The following FERMT2 variants were observed in gnomAD, a reference collection of about 807,000 sequenced individuals.
The protein encoded by FERMT2 is FERM domain containing kindlin 2, also known as fermitin family homolog 2.
In FERMT2, 15 loss-of-function variants were observed where a neutral mutation model predicts 82.7. That is an observed-to-expected ratio of 0.18 (90% CI 0.12 to 0.28). The LOEUF (loss-of-function observed/expected upper bound fraction) is 0.28. FERMT2 is among the 10% of genes least tolerant of loss of function. The pLI is 1.00. For missense variants in FERMT2, 645 were observed against 809.4 expected, an observed-to-expected ratio of 0.80 and a Z score of 2.46; for synonymous variants, 274 against 271.5, an observed-to-expected ratio of 1.01 and a Z score of -0.09.
intron 3 of FERMT2, among the ~76,000 whole-genome samples, chr14:52,894,474 T>A (rs889166405): frequency 7.2e-5 from 11 of 152,128 alleles, no homozygotes; most frequent in Admixed American, 3.9e-4. Context: ...AAGACATTCT[T>A]AAAAAGAACA....
At chr14:52,908,845 T>A (rs1438161226) in intron 3 of FERMT2, among the ~76,000 whole-genome samples, 2 of 152,074 alleles carry the variant, frequency 1.3e-5, no homozygotes, top group Non-Finnish European at 2.9e-5. Flanking sequence ...TCAATAAAAA[T>A]TTCATTTTTT....
At chr14:52,950,798 C>A (rs1201499468) in intron 1 of FERMT2, 123 bp downstream of exon 1, 1 of 419,200 alleles carries the variant, frequency 2.4e-6, no homozygotes, top group Non-Finnish European at 4.2e-6. Flanking sequence ...CCCACACCGT[C>A]CCCGCCTAGC....
At chr14:52,906,700 GA>G (rs1164913433) in intron 3 of FERMT2, among the ~76,000 whole-genome samples, 2 of 151,832 alleles carry the variant, frequency 1.3e-5, no homozygotes. Flanking sequence ...TTCTAGTGAT[GA>G]AAAAAACATC....
At chr14:52,870,814 G>C (rs188312561) in intron 10 of FERMT2, among the ~76,000 whole-genome samples, 192 of 152,270 alleles carry the variant, frequency 1.3e-3, no homozygotes, top group African/African-American at 4.2e-3. Context: ...ATACATGACT[G>C]TACTAAGTAC....
At chr14:52,893,204 C>A in intron 4 of FERMT2, 89 bp downstream of exon 4, 1 of 1,243,282 alleles carries the variant, frequency 8.0e-7, no homozygotes, top group Non-Finnish European at 1.1e-6. Context: ...TCTTCCTGAC[C>A]TACATGATCC....
chr14:52,932,332 C>G (rs1184710979), intron 2 of FERMT2, among the ~76,000 whole-genome samples: 2 of 152,116 alleles, frequency 1.3e-5, no homozygotes, highest in Admixed American at 1.3e-4. Context: ...CAGTAAAATC[C>G]TGATGATTAT....
intron 3 of FERMT2, among the ~76,000 whole-genome samples, chr14:52,900,287 C>T (rs774422322): frequency 2.0e-5 from 3 of 151,650 alleles, no homozygotes; most frequent in African/African-American, 7.3e-5. Flanking sequence ...GTGATAGCAA[C>T]GAAATTTAAT....
intron 2 of FERMT2, among the ~76,000 whole-genome samples, chr14:52,922,538 A>G (rs989338525): frequency 6.6e-5 from 10 of 152,330 alleles, no homozygotes; most frequent in Admixed American, 2.6e-4. Context: ...AGACATAATA[A>G]AAGACAGGCT....
chr14:52,898,825 C>T (rs140936703), intron 3 of FERMT2, among the ~76,000 whole-genome samples: 111 of 152,198 alleles, frequency 7.3e-4, no homozygotes, highest in African/African-American at 2.4e-3. Context: ...ATAACAAATC[C>T]TTACATAACA....
chr14:52,914,882 T>C (rs560173766), intron 3 of FERMT2, among the ~76,000 whole-genome samples: 1 of 152,190 alleles, frequency 6.6e-6, no homozygotes, highest in South Asian at 2.1e-4. Flanking sequence ...ATACCACCAC[T>C]GAACTCCAGA....
chr14:52,880,268 G>GT (rs1184677896), intron 6 of FERMT2, among the ~76,000 whole-genome samples: 1 of 152,012 alleles, frequency 6.6e-6, no homozygotes, highest in South Asian at 2.1e-4. Context: ...AGAAAAAAAC[G>GT]TTTTTTTGAA....
At chr14:52,893,513 T>C in intron 3 of FERMT2, 86 bp from the exon 4 acceptor site, 1 of 1,042,836 alleles carries the variant, frequency 9.6e-7, no homozygotes, top group South Asian at 1.6e-5. Context: ...AAGATAAGAA[T>C]GTGTAACTTC....
chr14:52,941,530 C>T (rs1595024465), intron 2 of FERMT2, among the ~76,000 whole-genome samples: 1 of 152,132 alleles, frequency 6.6e-6, no homozygotes, highest in South Asian at 2.1e-4. Flanking sequence ...GAATTTGTAA[C>T]CACAAACCCA....
chr14:52,875,304 A>G lies in FERMT2; in HGVS notation c.1017T>C (p.Ser339=), dbSNP rs1166931769. The G allele has an allele frequency of 6.2e-7, 1 of 1,611,746 alleles. No individual in the cohort carries two copies. The highest frequency in any genetic ancestry group is 1.7e-5 in the Admixed American group (1 of 59,978). Reference sequence around the variant, plus strand: ...CATCAACTTCATCAACTTCTTTGTCACTGTTGTTCAAATGATTCTCTGATG... The same window carrying G: ...CATCAACTTCATCAACTTCTTTGTCGCTGTTGTTCAAATGATTCTCTGATG... ...IMTSENHLNN[S]DKEVDEVDAA... The change falls in exon 8 of 15, where the codon AGT becomes AGC. Residue 339 remains serine (S), a synonymous_variant. Coordinates refer to ENST00000341590, the MANE Select transcript of FERMT2 (RefSeq NM_006832.3).
At chr14:52,896,033 C>T (rs891797409) in intron 3 of FERMT2, among the ~76,000 whole-genome samples, 41 of 152,040 alleles carry the variant, frequency 2.7e-4, no homozygotes, top group Non-Finnish European at 3.7e-4. Flanking sequence ...GGATTATAGG[C>T]GTGAGCCACT....
intron 3 of FERMT2, among the ~76,000 whole-genome samples, chr14:52,917,025 G>A (rs940060101): frequency 2.6e-5 from 4 of 151,260 alleles, no homozygotes; most frequent in African/African-American, 4.8e-5. Flanking sequence ...AAGTGTTAGT[G>A]AGGATTTGTG....
chr14:52,906,283 C>T lies in FERMT2; in HGVS notation c.391+12840G>A, dbSNP rs140736592. Among the ~76,000 whole-genome samples the T allele has an allele frequency of 7.8e-3, 1,190 of 152,212 alleles. 6 individuals are homozygous for T. Among genetic ancestry groups the T allele is most frequent in the African/African-American group, 0.025 (1,033 of 41,522 alleles). ...TACCAGAGACTGTGGAAAGAACCGA[C>T]GGCTAAAAGAGTTAATGTTCCTGTC... On this transcript the variant is annotated intron_variant, in intron 3 of 14. Coordinates refer to ENST00000341590, the MANE Select transcript of FERMT2 (RefSeq NM_006832.3).
intron 6 of FERMT2, among the ~76,000 whole-genome samples, chr14:52,879,689 T>C (rs1458998995): frequency 6.6e-6 from 1 of 152,096 alleles, no homozygotes; most frequent in African/African-American, 2.4e-5. Flanking sequence ...AAGCATATAA[T>C]AAAAGAATGT....
rs60992243 is a variant in FERMT2, at chr14:52,938,062, C to T, written c.157+12350G>A. Among the ~76,000 whole-genome samples, 1,417 of 152,210 alleles carry T rather than the reference C, an allele frequency of 9.3e-3. 21 individuals are homozygous for T. Among genetic ancestry groups the T allele is most frequent in the African/African-American group, 0.032 (1,327 of 41,514 alleles). ...TTTTGTTTATAAGGACACTAAGTTGCGAAGATGTTAAATAACGTGGCACAG... is the reference window on the plus strand; with the variant it reads ...TTTTGTTTATAAGGACACTAAGTTGTGAAGATGTTAAATAACGTGGCACAG... On this transcript the variant is annotated intron_variant, in intron 2 of 14. Coordinates refer to ENST00000341590, the MANE Select transcript of FERMT2 (RefSeq NM_006832.3).
Sources: allele counts gnomAD v4.1 joint callset (sites outside exome capture counted in the v4.1 genomes callset), GRCh38; gene constraint gnomAD v4.1.1; transcripts MANE v1.5; gene names NCBI Gene and HGNC (gene_info 2026-07-23, HGNC 2026-07-21).